ZNF407: variants seen among roughly 807,000 people sequenced by gnomAD.
ZNF407 encodes the protein zinc finger protein 407.
Under a neutral mutation model 131.2 loss-of-function variants are expected in ZNF407, and 17 were observed. That is an observed-to-expected ratio of 0.13 (90% confidence interval 0.09 to 0.19). The LOEUF is 0.19. Ranked by LOEUF, ZNF407 falls within the 10% of genes least tolerant of loss-of-function variation. ZNF407 has a pLI of 1.00. For missense variants in ZNF407, 2,681 were observed against 2,830.6 expected, an observed-to-expected ratio of 0.95 and a Z score of 1.20; for synonymous variants, 1,156 against 1,062.0, an observed-to-expected ratio of 1.09 and a Z score of -1.72.
At chr18:74,651,128 A>G (rs1985208256) in intron 3 of ZNF407, among the ~76,000 whole-genome samples, 1 of 152,148 alleles carries the variant, frequency 6.6e-6, no homozygotes, top group African/African-American at 2.4e-5. Context: ...AGTTATGATT[A>G]AAACCCTGTT....
chr18:74,650,371 G>T (rs1985172323), intron 3 of ZNF407, among the ~76,000 whole-genome samples: 1 of 152,176 alleles, frequency 6.6e-6, no homozygotes, highest in Admixed American at 6.5e-5. Flanking sequence ...CACTTTAAGG[G>T]ATGCAAAGAC....
At chr18:74,982,187 G>A (rs956622916) in intron 8 of ZNF407, among the ~76,000 whole-genome samples, 2 of 152,030 alleles carry the variant, frequency 1.3e-5, no homozygotes, top group South Asian at 2.1e-4. Flanking sequence ...CTTCTTTTGC[G>A]AACTTTTCAA....
At position 75,049,072 on chromosome 18, in the gene ZNF407, C is replaced by T. The variant is rs778827871; in HGVS notation, c.5429-14078C>T. Among the ~76,000 whole-genome samples the T allele has an allele frequency of 7.3e-4, 81 of 111,488 alleles. 1 individual carries two copies. The highest frequency in any genetic ancestry group is 6.0e-3 in the Admixed American group (43 of 7,166). 73.1% of individuals were successfully genotyped at this position (111,488 alleles called of 152,430 possible). On this transcript the variant is annotated intron_variant, in intron 8 of 8. Coordinates refer to ENST00000299687, the MANE Select transcript of ZNF407 (RefSeq NM_017757.3). ...GCCACCTCGTTGTTTTTCCAAATAA[C>T]ACTGGCCGGTAGTATTTTTTTTTTT...
intron 2 of ZNF407, among the ~76,000 whole-genome samples, chr18:74,637,592 C>T (rs1314192474): frequency 1.3e-5 from 2 of 151,928 alleles, no homozygotes; most frequent in African/African-American, 2.4e-5. Flanking sequence ...CCTGAGGACA[C>T]AATACGAGTC....
At chr18:74,861,712 G>A (rs1041858179) in intron 4 of ZNF407, among the ~76,000 whole-genome samples, 1 of 151,972 alleles carries the variant, frequency 6.6e-6, no homozygotes, top group Non-Finnish European at 1.5e-5. Context: ...TAGGATGTTT[G>A]TACTGCTATA....
intron 8 of ZNF407, among the ~76,000 whole-genome samples, chr18:74,989,294 G>A (rs1399126201): frequency 6.6e-6 from 1 of 152,194 alleles, no homozygotes. Flanking sequence ...GACAGGATGT[G>A]GGAGGTTACT....
At chr18:74,651,798 G>A (rs1366504527) in intron 3 of ZNF407, among the ~76,000 whole-genome samples, 1 of 152,152 alleles carries the variant, frequency 6.6e-6, no homozygotes, top group African/African-American at 2.4e-5. Context: ...AACAAAGAGA[G>A]CAATCAAGAT....
intron 8 of ZNF407, among the ~76,000 whole-genome samples, chr18:75,013,492 G>A (rs988398661): frequency 2.0e-5 from 3 of 152,068 alleles, no homozygotes; most frequent in African/African-American, 7.2e-5. Flanking sequence ...GTCTAAGAGA[G>A]AAAAAACATG....
intron 3 of ZNF407, among the ~76,000 whole-genome samples, chr18:74,645,862 C>A (rs1007322151): frequency 6.6e-6 from 1 of 152,108 alleles, no homozygotes; most frequent in Admixed American, 6.5e-5. Flanking sequence ...TTCAACAACA[C>A]AGTTAGTATT....
chr18:74,769,174 C>A (rs2144995472), intron 3 of ZNF407, among the ~76,000 whole-genome samples: 1 of 152,242 alleles, frequency 6.6e-6, no homozygotes, highest in East Asian at 1.9e-4. Flanking sequence ...CAGATTCAGC[C>A]CAAGTTTCTT....
At chr18:74,925,151 C>T (rs1444030146) in intron 8 of ZNF407, among the ~76,000 whole-genome samples, 1 of 152,088 alleles carries the variant, frequency 6.6e-6, no homozygotes, top group Non-Finnish European at 1.5e-5. Context: ...TTTTGTATCA[C>T]ATTTAAATTA....
intron 4 of ZNF407, among the ~76,000 whole-genome samples, chr18:74,820,072 T>A (rs962716258): frequency 6.6e-6 from 1 of 152,178 alleles, no homozygotes; most frequent in Non-Finnish European, 1.5e-5. Flanking sequence ...ATCAGGATAA[T>A]GAAGACAGTG....
chr18:74,664,444 G>A (rs1390218516), intron 3 of ZNF407, among the ~76,000 whole-genome samples: 2 of 152,136 alleles, frequency 1.3e-5, no homozygotes, highest in African/African-American at 4.8e-5. Flanking sequence ...GCAGTGAGCC[G>A]AGATTGTGCC....
chr18:74,889,859 A>C, intron 6 of ZNF407, 59 bp from the exon 7 acceptor site: 19 of 1,427,128 alleles, frequency 1.3e-5, no homozygotes, highest in Non-Finnish European at 1.6e-5. Context: ...TACCAGGTTT[A>C]TTCCTTCATT....
rs866512074 is a variant in ZNF407, at chr18:74,999,364, A to C, written c.5429-63786A>C. Among the ~76,000 whole-genome samples the C allele has an allele frequency of 2.8e-3, 421 of 150,050 alleles. 4 individuals carry two copies. The highest frequency in any genetic ancestry group is 7.8e-3 in the African/African-American group (318 of 40,910). On this transcript the variant is annotated intron_variant, in intron 8 of 8. Coordinates refer to ENST00000299687, the MANE Select transcript of ZNF407 (RefSeq NM_017757.3). ...AGAGTATAATAAAAAAAAAAAAAAAAAAAAAAAAAAACAAAGGTAAAACTT... is the reference window on the plus strand; with the variant it reads ...AGAGTATAATAAAAAAAAAAAAAAACAAAAAAAAAAACAAAGGTAAAACTT...
chr18:75,060,500 TTTTTTTC>T (rs1252884120), intron 8 of ZNF407, among the ~76,000 whole-genome samples: 4 of 57,544 alleles, frequency 7.0e-5, no homozygotes, highest in East Asian at 1.2e-3. Flanking sequence ...CTTTTTTTTC[TTTTTTTC>T]TTTTTTTTTT....
chr18:74,797,896 A>G (rs909186594), intron 4 of ZNF407, among the ~76,000 whole-genome samples: 2 of 152,012 alleles, frequency 1.3e-5, no homozygotes, highest in African/African-American at 2.4e-5. Flanking sequence ...TAATGGGAAA[A>G]CAATTAAGTG....
chr18:74,921,367 T>G (rs182469725), intron 8 of ZNF407, among the ~76,000 whole-genome samples: 147 of 152,328 alleles, frequency 9.7e-4, no homozygotes, highest in Non-Finnish European at 8.8e-4. Context: ...ATTCCTTGAG[T>G]GCCAAATTCT....
intron 8 of ZNF407, among the ~76,000 whole-genome samples, chr18:75,026,783 G>T (rs1313082899): frequency 6.6e-6 from 1 of 152,232 alleles, no homozygotes; most frequent in Non-Finnish European, 1.5e-5. Flanking sequence ...GATGATGAAA[G>T]GATTTCCTTG....
Sources: gnomAD v4.1 joint callset for allele counts (sites outside exome capture counted in the v4.1 genomes callset) on GRCh38, gnomAD v4.1.1 for gene constraint, MANE v1.5 for transcripts, NCBI Gene and HGNC (gene_info 2026-07-23, HGNC 2026-07-21) for gene names.